DNM2: variants seen among roughly 807,000 people sequenced by gnomAD.
The protein encoded by DNM2 is dynamin-2.
DNM2 carries 15 observed loss-of-function variants against 99.0 expected under a neutral mutation model. That is an observed-to-expected ratio of 0.15 (90% CI 0.10 to 0.23). The LOEUF (loss-of-function observed/expected upper bound fraction) is 0.23. DNM2 is among the 10% of genes least tolerant of loss of function. The probability of loss-of-function intolerance (pLI) is 1.00; values close to 1 mark genes in which losing one functional copy is unlikely to be tolerated. For missense variants in DNM2, 742 were observed against 1,189.4 expected, an observed-to-expected ratio of 0.62 and a Z score of 5.53; for synonymous variants, 525 against 481.2, an observed-to-expected ratio of 1.09 and a Z score of -1.19.
chr19:10,792,666 G>A (rs2071794621), intron 7 of DNM2, among the ~76,000 whole-genome samples: 1 of 152,038 alleles, frequency 6.6e-6, no homozygotes, highest in African/African-American at 2.4e-5. Flanking sequence ...GGAGTGCAGT[G>A]GTGCGATCTC....
intron 1 of DNM2, among the ~76,000 whole-genome samples, chr19:10,757,239 C>T (rs772458529): frequency 2.0e-5 from 3 of 151,718 alleles, no homozygotes; most frequent in Non-Finnish European, 2.9e-5. Flanking sequence ...TGCAAGCCCC[C>T]GCCGAGGGCT....
At position 10,805,949 on chromosome 19, in the gene DNM2, G is replaced by C; in HGVS notation, c.1527G>C (p.Lys509Asn). ...AQQRSTQLNK[K>N]RAIPNQGEIL... ...AGAGGAGCACGCAGCTGAACAAGAAGAGAGCCATCCCCAATCAGGTAGCAC... is the reference window on the plus strand; with the variant it reads ...AGAGGAGCACGCAGCTGAACAAGAACAGAGCCATCCCCAATCAGGTAGCAC... The change falls in exon 13 of 21, where the codon AAG becomes AAC. Residue 509 changes from lysine to asparagine, a missense_variant. Lys to Asn is a moderately conservative substitution (Grantham distance 94). Coordinates refer to ENST00000389253, the MANE Select transcript of DNM2 (RefSeq NM_001005361.3). The C allele has an allele frequency of 6.2e-7, 1 of 1,614,176 alleles. No individual in the cohort carries two copies. The highest frequency in any genetic ancestry group is 8.5e-7 in the Non-Finnish European group (1 of 1,180,050).
intron 3 of DNM2, among the ~76,000 whole-genome samples, chr19:10,773,432 C>T (rs2071044894): frequency 1.4e-5 from 2 of 139,692 alleles, no homozygotes; most frequent in African/African-American, 5.3e-5. Context: ...CAGACGTGAG[C>T]CGCCGCGCCC....
intron 1 of DNM2, among the ~76,000 whole-genome samples, chr19:10,745,441 A>G (rs1030863235): frequency 1.6e-4 from 25 of 152,290 alleles, no homozygotes; most frequent in Admixed American, 1.6e-3. Flanking sequence ...CTGTTAGATA[A>G]ATGAGCAATT....
At chr19:10,725,775 CT>C (rs2069094535) in intron 1 of DNM2, among the ~76,000 whole-genome samples, 1 of 152,066 alleles carries the variant, frequency 6.6e-6, no homozygotes, top group Admixed American at 6.6e-5. Flanking sequence ...GTGTACGTTT[CT>C]TTTCTCTTGC....
At chr19:10,751,268 G>T (rs1182228560) in intron 1 of DNM2, among the ~76,000 whole-genome samples, 1 of 152,038 alleles carries the variant, frequency 6.6e-6, no homozygotes, top group Admixed American at 6.6e-5. Flanking sequence ...GCCCGCCCAG[G>T]ATCACACAGC....
chr19:10,798,243 GC>G (rs932322086), intron 10 of DNM2: 15 of 564,946 alleles, frequency 2.7e-5, no homozygotes, highest in Non-Finnish European at 4.4e-5. Context: ...CCTGCCTCCT[GC>G]CCCCCGGTCA....
intron 18 of DNM2, among the ~76,000 whole-genome samples, chr19:10,827,985 G>A (rs539016355): frequency 8.6e-5 from 13 of 152,040 alleles, no homozygotes; most frequent in Admixed American, 2.0e-4. Context: ...GAAGCCAGGT[G>A]GAAGATGTAA....
At chr19:10,766,812 C>T (rs1208609843) in intron 2 of DNM2, among the ~76,000 whole-genome samples, 2 of 152,136 alleles carry the variant, frequency 1.3e-5, no homozygotes, top group African/African-American at 4.8e-5. Flanking sequence ...TGCTGGATGA[C>T]TGCCCAGATT....
intron 6 of DNM2, among the ~76,000 whole-genome samples, chr19:10,783,750 G>A (rs1405330480): frequency 6.7e-6 from 1 of 150,322 alleles, no homozygotes; most frequent in Non-Finnish European, 1.5e-5. Flanking sequence ...ACCTAGGCTA[G>A]AGTGCAGTGG....
chr19:10,740,202 C>G (rs182482768), intron 1 of DNM2, among the ~76,000 whole-genome samples: 113 of 152,108 alleles, frequency 7.4e-4, no homozygotes, highest in African/African-American at 2.6e-3. Context: ...TTTGGTTGAT[C>G]TATTCAAAGA....
chr19:10,779,854 A>T (rs184356327), intron 5 of DNM2, among the ~76,000 whole-genome samples: 1 of 151,904 alleles, frequency 6.6e-6, no homozygotes, highest in African/African-American at 2.4e-5. Flanking sequence ...GGGTTTCACC[A>T]TGTTGGCTAG....
rs201756628 is a variant in DNM2, at chr19:10,831,089, G to A, written c.*42G>A. On this transcript the variant is annotated 3_prime_UTR_variant, in exon 21 of 21. Transcript: ENST00000389253. This position sits in a 1 kb window ranked among gnomAD's most constrained non-coding sequence, Gnocchi z 4.3. ...GCTCTCGGGGGGGCCTCACGCACCC[G>A]CGGCGCAGGAGCTTCAGTGGTCTGG... is the stretch of plus-strand genomic sequence containing the variant. 736 of 1,560,744 alleles carry A rather than the reference G, an allele frequency of 4.7e-4. 5 individuals carry two copies. In the African/African-American group the frequency reaches 7.8e-3, roughly 17 times the overall value.
intron 18 of DNM2, 68 bp downstream of exon 18, chr19:10,825,289 C>T (rs984247235): frequency 2.5e-6 from 4 of 1,597,446 alleles, no homozygotes; most frequent in South Asian, 2.2e-5. Context: ...AATCCCAGCA[C>T]TTTGGGAGGC....
intron 18 of DNM2, among the ~76,000 whole-genome samples, chr19:10,827,053 C>T (rs991544873): frequency 8.6e-5 from 13 of 151,994 alleles, no homozygotes; most frequent in African/African-American, 3.1e-4. Context: ...AGTTCAAGAC[C>T]AGCCTGGACA....
intron 5 of DNM2, among the ~76,000 whole-genome samples, chr19:10,778,883 G>A (rs1008039258): frequency 2.0e-5 from 3 of 152,014 alleles, no homozygotes; most frequent in African/African-American, 7.2e-5. Context: ...CTTCTGATAG[G>A]AGTAACCTAA....
rs138128705 is a variant in DNM2 at position 10,783,082 on chromosome 19, C to T, written c.811C>T (p.Arg271Cys). The T allele has an allele frequency of 3.1e-6, 5 of 1,613,490 alleles. No homozygotes were observed. Among genetic ancestry groups the T allele is most frequent in the South Asian group, 1.1e-5 (1 of 91,088 alleles). ...CCCGGCCTACCGGCACATGGCCGACCGCATGGGCACGCCACATCTGCAGAA... is the reference window on the plus strand; with the variant it reads ...CCCGGCCTACCGGCACATGGCCGACTGCATGGGCACGCCACATCTGCAGAA... ...SHPAYRHMAD[R>C]MGTPHLQKTL... The change falls in exon 6 of 21, where the codon CGC becomes TGC. Residue 271 changes from arginine to cysteine, a missense_variant. Arg to Cys is a radical substitution (Grantham distance 180). This residue lies in a region of DNM2 where 192 missense variants were observed against 358.9 expected (regional missense o/e 0.54). Transcript: ENST00000389253.
At chr19:10,748,524 G>A (rs2070077184) in intron 1 of DNM2, among the ~76,000 whole-genome samples, 1 of 152,152 alleles carries the variant, frequency 6.6e-6, no homozygotes, top group Non-Finnish European at 1.5e-5. Flanking sequence ...GGTGACCAAT[G>A]GCTATTGTTG....
chr19:10,824,972 G>T, intron 17 of DNM2, 85 bp from the exon 18 acceptor site: 1 of 1,603,712 alleles, frequency 6.2e-7, no homozygotes, highest in Non-Finnish European at 8.5e-7. Context: ...AGTTATTGGT[G>T]GGACAATAGG....
Sources: allele counts gnomAD v4.1 joint callset (sites outside exome capture counted in the v4.1 genomes callset), GRCh38; gene constraint gnomAD v4.1.1; regional missense constraint gnomAD v4.1.1; non-coding constraint Gnocchi (gnomAD v3.1); transcripts MANE v1.5; gene names NCBI Gene and HGNC (gene_info 2026-07-23, HGNC 2026-07-21).